The following CD83 variants were observed in gnomAD, a reference collection of about 807,000 sequenced individuals.
The protein encoded by CD83 is CD83 antigen.
A neutral mutation model predicts 24.6 loss-of-function variants in CD83; 22 were observed. The observed-to-expected ratio is 0.90, with a 90% CI of 0.64 to 1.28. CD83 has a LOEUF of 1.28. Among genes scored for constraint, CD83 ranks in the 50% most tolerant of loss-of-function variants. The probability of loss-of-function intolerance (pLI) is 0.00; values close to 1 mark genes in which losing one functional copy is unlikely to be tolerated. For synonymous variants in CD83, 101 were observed against 103.5 expected, an observed-to-expected ratio of 0.98 and a Z score of 0.14; for missense variants, 253 against 252.8, an observed-to-expected ratio of 1.00 and a Z score of -0.01.
intron 2 of CD83, among the ~76,000 whole-genome samples, chr6:14,124,092 C>T (rs768686791): frequency 1.3e-3 from 194 of 152,314 alleles, no homozygotes; most frequent in Non-Finnish European, 5.1e-4. Context: ...TTCTTTTATA[C>T]TCATAAGCAT....
In CD83 at chr6:14,130,020, C is replaced by T. The variant is rs139612009; in HGVS notation, c.154-1500C>T. Among the ~76,000 whole-genome samples the T allele has an allele frequency of 3.1e-3, 473 of 152,210 alleles. 2 individuals are homozygous for T. Among genetic ancestry groups the T allele is most frequent in the African/African-American group, 0.011 (451 of 41,522 alleles). On this transcript the variant is annotated intron_variant, in intron 2 of 4. Coordinates refer to ENST00000379153, the MANE Select transcript of CD83 (RefSeq NM_004233.4). ...GGTGCTCCCAGAACGGGAGATTCAT[C>T]ATTGATAGGTGCAAGCAAAGACAGT... is the stretch of plus-strand genomic sequence containing the variant.
chr6:14,117,304 G>C (rs1420251851), upstream of CD83: 3 of 152,314 alleles, frequency 2.0e-5, no homozygotes, highest in East Asian at 3.9e-4. The surrounding 1 kb of genome is among the most constrained non-coding windows in gnomAD (Gnocchi z 4.6). Context: ...TCACCAGTGC[G>C]TTCCCAAGGA....
chr6:14,135,085 A>T (rs768012020), intron 4 of CD83, 23 bp from the exon 5 acceptor site: 1 of 1,612,856 alleles, frequency 6.2e-7, no homozygotes, highest in Non-Finnish European at 8.5e-7. Flanking sequence ...TATTCACTTC[A>T]CATTTCTTTC....
rs201043133 is a variant in CD83, at chr6:14,135,213, C to T, written c.595C>T (p.Pro199Ser). ...SPNKHLGLVT[P>S]HKTELV ...AAATAAGCATTTAGGGCTAGTGACT[C>T]CTCACAAGACAGAACTGGTATGAGC... Residue 199 changes from proline (P) to serine (S), a missense_variant, in exon 5 of 5, where the codon CCT becomes TCT. Pro to Ser is a moderately conservative substitution (Grantham distance 74). Coordinates refer to ENST00000379153, the MANE Select transcript of CD83 (RefSeq NM_004233.4). 2.2e-5 allele frequency: 36 copies of T among 1,614,156 alleles called. No homozygotes were observed. Among genetic ancestry groups the T allele is most frequent in the Middle Eastern group, 3.3e-4 (2 of 6,062 alleles).
chr6:14,120,839 A>G (rs1759653730), intron 2 of CD83, among the ~76,000 whole-genome samples: 1 of 152,246 alleles, frequency 6.6e-6, no homozygotes, highest in Non-Finnish European at 1.5e-5. Context: ...AACTCAAAAC[A>G]GACAGCATCC....
chr6:14,130,043 A>G (rs1052423152), intron 2 of CD83, among the ~76,000 whole-genome samples: 1 of 152,172 alleles, frequency 6.6e-6, no homozygotes, highest in Non-Finnish European at 1.5e-5. Flanking sequence ...AAGCAAAGAC[A>G]GTGGCAGTGG....
intron 2 of CD83, among the ~76,000 whole-genome samples, chr6:14,123,523 A>G (rs189978819): frequency 1.3e-5 from 2 of 152,326 alleles, no homozygotes; most frequent in African/African-American, 4.8e-5. Context: ...GGGAGACTTC[A>G]TTCTTTTCCT....
intron 3 of CD83, 133 bp downstream of exon 3, chr6:14,131,881 C>T (rs1032838422): frequency 2.3e-5 from 15 of 638,612 alleles, no homozygotes; most frequent in Non-Finnish European, 3.9e-5. Flanking sequence ...AAGTGGAAAT[C>T]CGCTGCAAGC....
Position 14,131,679 on chromosome 6 carries a change from T to C in CD83, c.313T>C (p.Tyr105His). The stretch of plus-strand genomic sequence containing the variant: ...CACTACCAGCTGCAACTCGGGGACA[T>C]ACAGGTGCACTCTGCAGGACCCGGA... ...RNTTSCNSGT[Y>H]RCTLQDPDGQ... Residue 105 changes from tyrosine to histidine, a missense_variant, in exon 3 of 5, where the codon TAC becomes CAC. Physicochemically the swap from Tyr to His is moderately conservative, Grantham distance 83 (BLOSUM62 2). Transcript: ENST00000379153. 1 of 1,614,154 alleles carries C rather than the reference T, an allele frequency of 6.2e-7. No individual in the cohort carries two copies. The highest frequency in any genetic ancestry group is 8.5e-7 in the Non-Finnish European group (1 of 1,180,032).
chr6:14,133,774 C>A lies in CD83; in HGVS notation c.489+19C>A. 6.8e-7 allele frequency: 1 copy of A among 1,478,664 alleles called. No individual in the cohort carries two copies. The highest frequency in any genetic ancestry group is 9.4e-7 in the Non-Finnish European group (1 of 1,064,256). The allele number at this position is 1,478,664 out of a possible 1,614,324, so 91.6% of individuals were successfully genotyped here. Reference sequence around the variant, plus strand: ...CACTTGTGTAAGTATCTTCTTAAAACATCTTCTCTTATTAAAAGATTACCC... The same window carrying A: ...CACTTGTGTAAGTATCTTCTTAAAAAATCTTCTCTTATTAAAAGATTACCC... On this transcript the variant is annotated intron_variant, in intron 4 of 4. Coordinates refer to ENST00000379153, the MANE Select transcript of CD83 (RefSeq NM_004233.4).
chr6:14,118,679 G>A (rs2113383608), intron 2 of CD83, among the ~76,000 whole-genome samples: 1 of 152,292 alleles, frequency 6.6e-6, no homozygotes, highest in Admixed American at 6.5e-5. Context: ...GGATGCATGA[G>A]CCGGAGCCCG....
intron 2 of CD83, among the ~76,000 whole-genome samples, chr6:14,122,039 A>G (rs150976014): frequency 6.6e-6 from 1 of 152,304 alleles, no homozygotes; most frequent in Non-Finnish European, 1.5e-5. Context: ...TCTCTGGGTG[A>G]TGCTGCGGGG....
At chr6:14,131,497 G>A (rs770148362) in intron 2 of CD83, 23 bp from the exon 3 acceptor site, 1 of 1,573,448 alleles carries the variant, frequency 6.4e-7, no homozygotes, top group South Asian at 1.1e-5. Flanking sequence ...GGACCGTGAT[G>A]CGCTCTGATT....
chr6:14,133,409 A>G (rs1268937699), intron 3 of CD83, among the ~76,000 whole-genome samples: 1 of 152,272 alleles, frequency 6.6e-6, no homozygotes, highest in African/African-American at 2.4e-5. Context: ...GGGACTACTC[A>G]GGCCTGTTCT....
At chr6:14,120,310 T>C (rs536247161) in intron 2 of CD83, among the ~76,000 whole-genome samples, 1 of 152,360 alleles carries the variant, frequency 6.6e-6, no homozygotes, top group South Asian at 2.1e-4. Flanking sequence ...AATTATACTT[T>C]TTCATTGATT....
chr6:14,133,755 T>C lies in CD83; in HGVS notation c.489T>C (p.Cys163=). 3 of 1,583,144 alleles carry C rather than the reference T, an allele frequency of 1.9e-6. No individual in the cohort carries two copies. The highest frequency in any genetic ancestry group is 1.7e-6 in the Non-Finnish European group (2 of 1,153,384). The part of the protein sequence containing the change: ...IFYLTLIIFT[C]KFARLQSIFP... ...ACTTAACACTCATCATTTTCACTTGTGTAAGTATCTTCTTAAAACATCTTC... is the reference window on the plus strand; with the variant it reads ...ACTTAACACTCATCATTTTCACTTGCGTAAGTATCTTCTTAAAACATCTTC... Residue 163 remains cysteine (C), a splice_region_variant and synonymous_variant, in exon 4 of 5, where the codon TGT becomes TGC. Coordinates refer to ENST00000379153, the MANE Select transcript of CD83 (RefSeq NM_004233.4).
At chr6:14,117,483 CG>C (rs1353958335), upstream of CD83, among the ~76,000 whole-genome samples, 1 of 151,286 alleles carries the variant, frequency 6.6e-6, no homozygotes, top group African/African-American at 2.4e-5. The surrounding 1 kb of genome is among the most constrained non-coding windows in gnomAD (Gnocchi z 4.6). Flanking sequence ...GGGCGTCACG[CG>C]GGGATTGCTG....
rs9464662 is a variant in CD83 at position 14,121,988 on chromosome 6, G to T, written c.153+3923G>T. On this transcript the variant is annotated intron_variant, in intron 2 of 4. Transcript: ENST00000379153. ...TTGTATCATGCTAGGAGCCCTGACA[G>T]CCTATGGGTGATGCAAAACGAAAGA... Among the ~76,000 whole-genome samples the T allele has an allele frequency of 8.4e-3, 1,283 of 152,238 alleles. 19 individuals are homozygous for T. Among genetic ancestry groups the T allele is most frequent in the African/African-American group, 0.03 (1,226 of 41,524 alleles).
At chr6:14,117,314 A>T (rs1301405967), upstream of CD83, 3 of 152,168 alleles carry the variant, frequency 2.0e-5, no homozygotes, top group African/African-American at 7.2e-5. This position sits in a 1 kb window ranked among gnomAD's most constrained non-coding sequence, Gnocchi z 4.6. Context: ...GTTCCCAAGG[A>T]CAGGCTGGGC....
Sources: allele counts gnomAD v4.1 joint callset (sites outside exome capture counted in the v4.1 genomes callset), GRCh38; gene constraint gnomAD v4.1.1; non-coding constraint Gnocchi (gnomAD v3.1); transcripts MANE v1.5; gene names NCBI Gene and HGNC (gene_info 2026-07-23, HGNC 2026-07-21).